RHCE: variants seen among roughly 807,000 people sequenced by gnomAD.
RHCE encodes the protein Rh blood group CcEe antigens.
A neutral mutation model predicts 43.8 loss-of-function variants in RHCE; 22 were observed. That is an observed-to-expected ratio of 0.50 (90% confidence interval 0.36 to 0.72). RHCE has a LOEUF of 0.72. RHCE is among the 30% of genes least tolerant of loss of function. The pLI is 0.00. For missense variants in RHCE, 385 were observed against 525.4 expected, an observed-to-expected ratio of 0.73 and a Z score of 2.61; for synonymous variants, 156 against 210.7, an observed-to-expected ratio of 0.74 and a Z score of 2.25.
chr1:25,418,006 C>T (rs1647722252), intron 1 of RHCE, among the ~76,000 whole-genome samples: 1 of 152,162 alleles, frequency 6.6e-6, no homozygotes, highest in Admixed American at 6.6e-5. Context: ...CTACCACCCA[C>T]TGCTTCCCTG....
Position 25,375,377 on chromosome 1 carries a change from C to A in RHCE, c.1125G>T (p.Val375=). The A allele has an allele frequency of 6.2e-7, 1 of 1,614,068 alleles. No individual in the cohort carries two copies. Among genetic ancestry groups the A allele is most frequent in the African/African-American group, 1.3e-5 (1 of 75,074 alleles). ...LSIGELSLAI[V]IALTSGLLTG... ...TCAGGAGACCAGACGTGAGAGCTAT[C>A]ACGATGGCCAAGCTGAGTTCCCCAA... The change falls in exon 8 of 10, where the codon GTG becomes GTT. Residue 375 remains valine (V), a synonymous_variant. Transcript: ENST00000294413.
chr1:25,384,651 G>A (rs1357336923), intron 7 of RHCE, among the ~76,000 whole-genome samples: 1 of 152,070 alleles, frequency 6.6e-6, no homozygotes, highest in African/African-American at 2.4e-5. Flanking sequence ...CTATAATTTG[G>A]GGCTATGGTT....
At chr1:25,391,851 T>C (rs1646377342) in intron 4 of RHCE, 143 bp downstream of exon 4, 3 of 1,176,386 alleles carry the variant, frequency 2.6e-6, no homozygotes, top group East Asian at 2.4e-5. Flanking sequence ...TAGCAAACAC[T>C]ACTCAAAGAA....
chr1:25,369,227 G>T (rs1557595519), intron 9 of RHCE, among the ~76,000 whole-genome samples: 1 of 151,714 alleles, frequency 6.6e-6, no homozygotes, highest in East Asian at 1.9e-4. Context: ...TAATAAGGCT[G>T]CTTCTCTGTC....
intron 3 of RHCE, among the ~76,000 whole-genome samples, chr1:25,395,703 G>A (rs534974062): frequency 6.6e-5 from 10 of 152,212 alleles, no homozygotes; most frequent in South Asian, 2.1e-4. Flanking sequence ...TGTGTAAACC[G>A]GAATCCAGGA....
At chr1:25,362,725 A>G (rs2124276976) in intron 9 of RHCE, among the ~76,000 whole-genome samples, 172 bp from the exon 10 acceptor site, 1 of 52,478 alleles carries the variant, frequency 1.9e-5, no homozygotes, top group Admixed American at 2.3e-4. Context: ...AACGTTTTAC[A>G]TGGATTGTTG....
intron 7 of RHCE, among the ~76,000 whole-genome samples, chr1:25,380,972 G>C (rs1398017628): frequency 2.0e-5 from 3 of 149,512 alleles, no homozygotes; most frequent in Non-Finnish European, 4.4e-5. Flanking sequence ...CGCGATCTCG[G>C]CTCACTGCAA....
intron 6 of RHCE, 91 bp from the exon 7 acceptor site, chr1:25,385,935 C>A: frequency 1.9e-6 from 3 of 1,594,956 alleles, no homozygotes; most frequent in Non-Finnish European, 1.7e-6. Context: ...CCGGCGCCAC[C>A]AAATGGGGAT....
chr1:25,398,961 C>T, intron 3 of RHCE: 9 of 1,123,962 alleles, frequency 8.0e-6, no homozygotes, highest in Middle Eastern at 2.9e-4. Flanking sequence ...GGGTCTGCTT[C>T]CGGCTGCTTA....
chr1:25,412,329 G>GCTTGATACTCT (rs1030805890), intron 1 of RHCE, among the ~76,000 whole-genome samples: 18 of 152,164 alleles, frequency 1.2e-4, no homozygotes, highest in Non-Finnish European at 2.2e-4. Flanking sequence ...ACTCTCTAAG[G>GCTTGATACTCT]CTTTTACAGC....
intron 1 of RHCE, among the ~76,000 whole-genome samples, chr1:25,415,418 C>G (rs58564848): frequency 1.3e-5 from 2 of 152,074 alleles, no homozygotes; most frequent in African/African-American, 4.8e-5. Flanking sequence ...TTTGGGAGGC[C>G]GAGGCGGGTG....
chr1:25,424,838 T>C (rs1405147219), upstream of RHCE, among the ~76,000 whole-genome samples: 3 of 152,036 alleles, frequency 2.0e-5, no homozygotes, highest in Non-Finnish European at 4.4e-5. Flanking sequence ...GTTTTTTTTT[T>C]AGATGGAGTA....
chr1:25,413,628 G>A (rs1028273223), intron 1 of RHCE, among the ~76,000 whole-genome samples: 5 of 151,578 alleles, frequency 3.3e-5, no homozygotes, highest in African/African-American at 1.2e-4. Flanking sequence ...CGAGAGATAA[G>A]GCAATACTCA....
At chr1:25,415,509 G>A (rs1362174129) in intron 1 of RHCE, among the ~76,000 whole-genome samples, 7 of 151,950 alleles carry the variant, frequency 4.6e-5, no homozygotes, top group South Asian at 2.1e-4. Context: ...AAAATTAGCC[G>A]GGCGTGGTGG....
At chr1:25,415,913 G>T (rs1053374922) in intron 1 of RHCE, among the ~76,000 whole-genome samples, 4 of 151,884 alleles carry the variant, frequency 2.6e-5, no homozygotes, top group African/African-American at 9.7e-5. Flanking sequence ...TGGGCCCCAG[G>T]CCCAGAGCTT....
chr1:25,425,943 G>T lies in RHCE; in HGVS notation c.-40+3010C>A, dbSNP rs186422350. Among the ~76,000 whole-genome samples, 284 of 152,348 alleles carry T rather than the reference G, an allele frequency of 1.9e-3. 1 individual carries two copies. Among genetic ancestry groups the T allele is most frequent in the African/African-American group, 6.3e-3 (261 of 41,574 alleles). On this transcript the variant is annotated intron_variant, in intron 2 of 11. Coordinates refer to the RHCE transcript ENST00000349320. ...TCGTTCATTGATTTAACACACATGAGCTTTGGAGTTAGGCAACCTGGTTCA... is the reference window on the plus strand; with the variant it reads ...TCGTTCATTGATTTAACACACATGATCTTTGGAGTTAGGCAACCTGGTTCA...
chr1:25,400,451 A>T (rs1416010656), intron 3 of RHCE, among the ~76,000 whole-genome samples: 1 of 150,880 alleles, frequency 6.6e-6, no homozygotes. Flanking sequence ...CTCCAAGCAC[A>T]ATTCTGTCTC....
intron 5 of RHCE, among the ~76,000 whole-genome samples, chr1:25,389,892 A>G (rs2375325): frequency 1.6e-4 from 24 of 151,902 alleles, no homozygotes; most frequent in South Asian, 6.2e-4. Context: ...TTAGCCTCTG[A>G]GCTTCCCTGA....
chr1:25,401,770 T>C (rs959713721), intron 3 of RHCE, among the ~76,000 whole-genome samples: 3 of 152,268 alleles, frequency 2.0e-5, no homozygotes, highest in Admixed American at 6.5e-5. Context: ...AGGATTATAC[T>C]GTAGTAGTTA....
Sources: allele counts gnomAD v4.1 joint callset (sites outside exome capture counted in the v4.1 genomes callset), GRCh38; gene constraint gnomAD v4.1.1; transcripts MANE v1.5; gene names NCBI Gene and HGNC (gene_info 2026-07-23, HGNC 2026-07-21).